Variants in WBP2NL observed in about 807,000 individuals in gnomAD.
The protein encoded by WBP2NL is WBP2 N-terminal like.
A neutral mutation model predicts 23.3 loss-of-function variants in WBP2NL; 27 were observed. That is an observed-to-expected ratio of 1.16 (90% confidence interval 0.85 to 1.60). The LOEUF (loss-of-function observed/expected upper bound fraction) is 1.60, where lower values mean the gene tolerates loss of function less well. Ranked by LOEUF, WBP2NL falls within the 40% of genes most tolerant of loss-of-function variation. The probability of loss-of-function intolerance (pLI) is 0.00; values close to 1 mark genes in which losing one functional copy is unlikely to be tolerated. For missense variants in WBP2NL, 370 were observed against 389.5 expected (o/e 0.95, Z 0.42); for synonymous variants, 151 against 145.9 (o/e 1.03, Z -0.25).
At chr22:42,008,204 C>T (rs1248641722) in intron 1 of WBP2NL, among the ~76,000 whole-genome samples, 1 of 122,060 alleles carries the variant, frequency 8.2e-6, no homozygotes, top group Non-Finnish European at 1.8e-5. Context: ...CCCTCCCCCT[C>T]TCCTCCCCTC....
intron 8 of WBP2NL, among the ~76,000 whole-genome samples, chr22:42,052,294 T>C (rs1355073875): frequency 8.5e-5 from 13 of 152,108 alleles, no homozygotes; most frequent in Non-Finnish European, 1.9e-4. Flanking sequence ...TTTTTCCTCT[T>C]TTTTTTGAGA....
intron 1 of WBP2NL, among the ~76,000 whole-genome samples, chr22:42,010,829 C>T (rs897356430): frequency 6.6e-5 from 10 of 152,194 alleles, no homozygotes; most frequent in Admixed American, 1.3e-4. Flanking sequence ...TGAGCCACCA[C>T]GCCTGGCCAA....
chr22:42,019,944 A>G, intron 3 of WBP2NL, 60 bp from the exon 4 acceptor site: 10 of 1,596,720 alleles, frequency 6.3e-6, no homozygotes, highest in South Asian at 5.6e-5. Context: ...TGTTTGTGGC[A>G]GTCTTTCTGT....
chr22:42,002,660 G>A (rs1000368297), intron 1 of WBP2NL: 2 of 152,110 alleles, frequency 1.3e-5, no homozygotes. Context: ...CATTTCACAG[G>A]TGGGAAAACA....
chr22:42,036,708 T>C (rs377734976), downstream of WBP2NL, among the ~76,000 whole-genome samples: 12 of 152,354 alleles, frequency 7.9e-5, no homozygotes, highest in East Asian at 1.9e-3. Context: ...CATATGCTTA[T>C]TGGCCATCTG....
chr22:42,022,348 C>T lies in WBP2NL; in HGVS notation c.506C>T (p.Pro169Leu). 3.1e-6 allele frequency: 5 copies of T among 1,611,894 alleles called. No individual in the cohort carries two copies. The highest frequency in any genetic ancestry group is 3.4e-6 in the Non-Finnish European group (4 of 1,178,992). Residue 169 changes from proline (P) to leucine (L), a missense_variant, in exon 5 of 6, where the codon CCT becomes CTT. Pro to Leu is a moderately conservative substitution (Grantham distance 98, BLOSUM62 -3). Coordinates refer to ENST00000328823, the MANE Select transcript of WBP2NL (RefSeq NM_152613.3). Reference sequence around the variant, plus strand: ...GGGAATATGTGCACTCCACAGATGCCTTGTTCAGGTAAGGTATGGCAGAGA... The same window carrying T: ...GGGAATATGTGCACTCCACAGATGCTTTGTTCAGGTAAGGTATGGCAGAGA... ...GEGNMCTPQM[P>L]CSVIVYGAPP...
intron 8 of WBP2NL, among the ~76,000 whole-genome samples, chr22:42,040,100 A>G (rs1386688538): frequency 2.0e-5 from 3 of 151,314 alleles, no homozygotes; most frequent in African/African-American, 7.3e-5. Context: ...TTTAGTAGAC[A>G]TGGGGTTTCA....
chr22:42,040,286 G>A (rs1273514748), intron 8 of WBP2NL, among the ~76,000 whole-genome samples: 2 of 131,740 alleles, frequency 1.5e-5, no homozygotes, highest in Non-Finnish European at 3.3e-5. Flanking sequence ...GCAATGGTGC[G>A]ATCTCAGCTC....
At chr22:42,035,521 C>G (rs985936250), downstream of WBP2NL, among the ~76,000 whole-genome samples, 5 of 152,260 alleles carry the variant, frequency 3.3e-5, no homozygotes, top group African/African-American at 1.2e-4. Flanking sequence ...GCATGCAGCC[C>G]TGGCCATGCC....
intron 8 of WBP2NL, among the ~76,000 whole-genome samples, chr22:42,050,414 G>T (rs1232296119): frequency 6.6e-6 from 1 of 152,142 alleles, no homozygotes; most frequent in Non-Finnish European, 1.5e-5. Flanking sequence ...GGGAAGCCGA[G>T]GCAGGCGGAT....
At chr22:42,015,614 G>T (rs1923237376) in intron 1 of WBP2NL, among the ~76,000 whole-genome samples, 1 of 152,088 alleles carries the variant, frequency 6.6e-6, no homozygotes, top group Non-Finnish European at 1.5e-5. Context: ...TGTTGGCCAG[G>T]CTGGTCTTGA....
In WBP2NL at chr22:42,026,911, AC is replaced by A; in HGVS notation, c.662del (p.Pro221LeufsTer16). Reference protein sequence around the residue: ...RASPVRYGAPPLGYGAPPAGY... With the variant: ...RASPVRYGAPXLGYGAPPAGY... ...CCTCACCTGTGCGATATGGAGCCCCACCTCTTGGATACGGAGCCCCACCTGC... is the reference window on the plus strand; with the variant it reads ...CCTCACCTGTGCGATATGGAGCCCCACTCTTGGATACGGAGCCCCACCTGC... On this transcript the variant is annotated frameshift_variant, in exon 6 of 6. Coordinates refer to ENST00000328823, the MANE Select transcript of WBP2NL (RefSeq NM_152613.3). LOFTEE classifies it low-confidence loss of function (END_TRUNC). 5.0e-6 allele frequency: 8 copies of A among 1,609,886 alleles called. No homozygotes were observed. The highest frequency in any genetic ancestry group is 5.1e-6 in the Non-Finnish European group (6 of 1,179,088).
At chr22:42,031,249 A>ATT (rs1368688732), downstream of WBP2NL, 1 of 152,220 alleles carries the variant, frequency 6.6e-6, no homozygotes, top group Non-Finnish European at 1.5e-5. Context: ...AATTTGTTCT[A>ATT]TAAGAAGAGC....
chr22:42,043,134 G>T (rs1335888267), intron 8 of WBP2NL, among the ~76,000 whole-genome samples: 1 of 152,110 alleles, frequency 6.6e-6, no homozygotes. Context: ...GCATGCTGCA[G>T]TGTGCCATGG....
intron 8 of WBP2NL, among the ~76,000 whole-genome samples, chr22:42,043,765 T>G (rs189271121): frequency 6.6e-6 from 1 of 152,100 alleles, no homozygotes. Flanking sequence ...CTTGCTCTGT[T>G]GCCCAGGCTA....
intron 4 of WBP2NL, among the ~76,000 whole-genome samples, chr22:42,021,040 C>T (rs916788241): frequency 1.3e-5 from 2 of 148,834 alleles, no homozygotes; most frequent in Admixed American, 1.4e-4. Flanking sequence ...CTCCCTCAGC[C>T]TCCCAAGTAG....
chr22:42,008,630 G>T (rs1357076819), intron 1 of WBP2NL, among the ~76,000 whole-genome samples: 2 of 152,040 alleles, frequency 1.3e-5, no homozygotes, highest in African/African-American at 4.8e-5. Context: ...GGCCATTTGT[G>T]TATTATTGCT....
chr22:42,047,130 A>G (rs1162662002), intron 8 of WBP2NL, among the ~76,000 whole-genome samples: 41 of 152,100 alleles, frequency 2.7e-4, no homozygotes, highest in Non-Finnish European at 8.8e-5. Context: ...GCCTGAACTT[A>G]AAAAGTTGGT....
downstream of WBP2NL, among the ~76,000 whole-genome samples, chr22:42,029,538 A>T (rs112140427): frequency 2.1e-3 from 321 of 151,798 alleles, no homozygotes; most frequent in African/African-American, 7.2e-3. Context: ...TGCCCAGCTA[A>T]TTTTTTTTAT....
Sources: gnomAD v4.1 joint callset for allele counts (sites outside exome capture counted in the v4.1 genomes callset) on GRCh38, gnomAD v4.1.1 for gene constraint, MANE v1.5 for transcripts, NCBI Gene and HGNC (gene_info 2026-07-23, HGNC 2026-07-21) for gene names.